Variants in SYT1 observed in about 807,000 individuals in gnomAD.
The protein encoded by SYT1 is synaptotagmin-1.
Under a neutral mutation model 44.8 loss-of-function variants are expected in SYT1, and 8 were observed. The ratio of observed to expected loss-of-function variants is 0.18; its 90% CI spans 0.10 to 0.32. The LOEUF (loss-of-function observed/expected upper bound fraction) is 0.32, where lower values mean the gene tolerates loss of function less well. Among genes scored for constraint, SYT1 ranks in the 10% least tolerant of loss-of-function variants. The pLI is 1.00. For missense variants in SYT1, 286 were observed against 509.3 expected (o/e 0.56, Z 4.22); for synonymous variants, 154 against 188.8 (o/e 0.82, Z 1.51).
intron 9 of SYT1, among the ~76,000 whole-genome samples, chr12:79,409,076 G>T (rs1868329579): frequency 6.6e-6 from 1 of 152,008 alleles, no homozygotes; most frequent in African/African-American, 2.4e-5. Flanking sequence ...TTCCACAATG[G>T]TCTGTTTAAT....
chr12:79,253,408 T>C (rs1877333259), intron 4 of SYT1, among the ~76,000 whole-genome samples: 2 of 152,082 alleles, frequency 1.3e-5, no homozygotes, highest in African/African-American at 2.4e-5. Flanking sequence ...CCAAGAACTA[T>C]GCCCATATGA....
At chr12:78,972,290 G>A (rs1868434186) in intron 1 of SYT1, among the ~76,000 whole-genome samples, 2 of 151,938 alleles carry the variant, frequency 1.3e-5, no homozygotes, top group African/African-American at 4.8e-5. Context: ...TATATCATCT[G>A]TGATTTGCTT....
chr12:78,977,250 A>G (rs1442999379), intron 1 of SYT1, among the ~76,000 whole-genome samples: 1 of 152,164 alleles, frequency 6.6e-6, no homozygotes, highest in Non-Finnish European at 1.5e-5. Flanking sequence ...TCCTAGGTAA[A>G]TAGCAATGTC....
At chr12:79,241,365 G>A (rs1876501472) in intron 4 of SYT1, among the ~76,000 whole-genome samples, 1 of 152,052 alleles carries the variant, frequency 6.6e-6, no homozygotes, top group Admixed American at 6.5e-5. Context: ...CCACCTTCCG[G>A]ATTCACGTGA....
intron 9 of SYT1, among the ~76,000 whole-genome samples, chr12:79,426,998 A>G (rs1191741305): frequency 6.6e-6 from 1 of 152,156 alleles, no homozygotes; most frequent in Non-Finnish European, 1.5e-5. Context: ...AGAAGGACGT[A>G]TTTGCTTCCC....
At chr12:79,124,712 C>A (rs1452531597) in intron 3 of SYT1, among the ~76,000 whole-genome samples, 2 of 152,086 alleles carry the variant, frequency 1.3e-5, no homozygotes, top group African/African-American at 2.4e-5. Context: ...GAAAATAAGA[C>A]TCTTCCATGT....
intron 1 of SYT1, among the ~76,000 whole-genome samples, chr12:78,920,710 A>G (rs1876937911): frequency 1.3e-5 from 2 of 152,002 alleles, no homozygotes; most frequent in African/African-American, 4.8e-5. Flanking sequence ...TCTATGATCT[A>G]TTCAGTTGAA....
chr12:79,308,652 G>GAAAGAAAGAAAGAAAGA (rs1565901646), intron 8 of SYT1, among the ~76,000 whole-genome samples: 1 of 108,814 alleles, frequency 9.2e-6, no homozygotes, highest in African/African-American at 3.6e-5. Flanking sequence ...AAGAAAGAAA[G>GAAAGAAAGAAAGAAAGA]AAAGAAAAGA....
intron 1 of SYT1, among the ~76,000 whole-genome samples, chr12:78,927,777 G>A (rs1478148281): frequency 6.6e-6 from 1 of 152,034 alleles, no homozygotes; most frequent in Non-Finnish European, 1.5e-5. Context: ...TCTCTCTTCT[G>A]GTTTTGAAAT....
chr12:79,202,835 C>G (rs1031904165), intron 3 of SYT1, among the ~76,000 whole-genome samples: 1 of 152,146 alleles, frequency 6.6e-6, no homozygotes, highest in African/African-American at 2.4e-5. Flanking sequence ...AAACCAATCG[C>G]AAAACTAATT....
intron 8 of SYT1, among the ~76,000 whole-genome samples, chr12:79,317,792 G>T (rs777750973): frequency 8.5e-5 from 13 of 152,196 alleles, no homozygotes; most frequent in Non-Finnish European, 1.8e-4. Context: ...GTGCACCGCA[G>T]TGAGAGGACT....
At chr12:79,003,713 ATG>A (rs956336870) in intron 2 of SYT1, among the ~76,000 whole-genome samples, 1 of 151,942 alleles carries the variant, frequency 6.6e-6, no homozygotes, top group Admixed American at 6.6e-5. Context: ...CACGTTGATG[ATG>A]TAGTCTGTTT....
At chr12:79,018,603 G>A (rs1829571872) in intron 2 of SYT1, among the ~76,000 whole-genome samples, 1 of 152,048 alleles carries the variant, frequency 6.6e-6, no homozygotes, top group Admixed American at 6.6e-5. Flanking sequence ...GATTTCCCTT[G>A]GTTGGATGGG....
rs543938088 is a variant in SYT1 at position 79,010,453 on chromosome 12, G to A, written c.-84+32522G>A. On this transcript the variant is annotated intron_variant, in intron 2 of 10. Coordinates refer to ENST00000261205, the MANE Select transcript of SYT1 (RefSeq NM_005639.3). ...AGCAGGGACCAAGCTGTTTGTAGTA[G>A]TATTTCCTACTGCCTCCCTTGATGA... 1.7e-3 allele frequency among the ~76,000 whole-genome samples: 259 copies of A among 152,208 alleles called. 2 individuals carry two copies. Among genetic ancestry groups the A allele is most frequent in the African/African-American group, 6.0e-3 (251 of 41,526 alleles).
intron 8 of SYT1, among the ~76,000 whole-genome samples, chr12:79,301,746 A>C (rs73351037): frequency 0.011 from 1,699 of 151,942 alleles, 32 homozygotes; most frequent in African/African-American, 0.039. Flanking sequence ...GCACTTACTG[A>C]GTATCTGTAG....
chr12:79,336,016 T>C (rs1391173761), intron 8 of SYT1, among the ~76,000 whole-genome samples: 1 of 152,246 alleles, frequency 6.6e-6, no homozygotes, highest in Non-Finnish European at 1.5e-5. Context: ...ACCTATCTCC[T>C]GTGTTACAGT....
intron 3 of SYT1, among the ~76,000 whole-genome samples, chr12:79,147,380 T>C (rs905601396): frequency 5.3e-5 from 8 of 152,198 alleles, no homozygotes; most frequent in Non-Finnish European, 1.0e-4. Flanking sequence ...TCACAAACTT[T>C]CTTGAAAATT....
At chr12:79,122,722 G>A (rs1160415326) in intron 3 of SYT1, among the ~76,000 whole-genome samples, 1 of 152,090 alleles carries the variant, frequency 6.6e-6, no homozygotes, top group Non-Finnish European at 1.5e-5. Flanking sequence ...AAGTTTGAGT[G>A]AGAGATATTT....
At chr12:79,315,680 G>A (rs1035501028) in intron 8 of SYT1, among the ~76,000 whole-genome samples, 3 of 152,122 alleles carry the variant, frequency 2.0e-5, no homozygotes, top group Non-Finnish European at 4.4e-5. Flanking sequence ...TCTCTTTAAA[G>A]TAGAACACTT....
Sources: gnomAD v4.1 joint callset for allele counts (sites outside exome capture counted in the v4.1 genomes callset) on GRCh38, gnomAD v4.1.1 for gene constraint, MANE v1.5 for transcripts, NCBI Gene and HGNC (gene_info 2026-07-23, HGNC 2026-07-21) for gene names.